The following CRYBA2 variants were observed in gnomAD, a reference collection of about 807,000 sequenced individuals.
CRYBA2 encodes the protein crystallin beta A2.
In CRYBA2, 17 loss-of-function variants were observed where a neutral mutation model predicts 18.5. The ratio of observed to expected loss-of-function variants is 0.92; its 90% CI spans 0.63 to 1.38. The LOEUF (loss-of-function observed/expected upper bound fraction) is 1.38. Ranked by LOEUF, CRYBA2 falls within the 40% of genes most tolerant of loss-of-function variation. The probability of loss-of-function intolerance (pLI) is 0.00; values close to 1 mark genes in which losing one functional copy is unlikely to be tolerated. For missense variants in CRYBA2, 271 were observed against 265.0 expected, an observed-to-expected ratio of 1.02 and a Z score of -0.16; for synonymous variants, 101 against 106.2, an observed-to-expected ratio of 0.95 and a Z score of 0.30.
At position 218,993,399 on chromosome 2, in the gene CRYBA2, G is replaced by A. The variant is rs576553962; in HGVS notation, c.-223C>T. The A allele has an allele frequency of 1.2e-3, 675 of 549,804 alleles. 5 individuals are homozygous for A. The African/African-American group carries it at 0.012, about 10-fold the overall frequency. 34.1% of individuals were successfully genotyped at this position (549,804 alleles called of 1,614,324 possible). On this transcript the variant is annotated 5_prime_UTR_variant, in exon 1 of 4. Coordinates refer to ENST00000295728, the MANE Select transcript of CRYBA2 (RefSeq NM_057093.2). This position sits in a 1 kb window ranked among gnomAD's most constrained non-coding sequence, Gnocchi z 7.7. ...CCGGGTGGGTGAGCGCGGCACGCGA[G>A]GGAAATGGACCGGCTGCGAGGCTGC...
chr2:218,991,944 G>A (rs1172627152), intron 2 of CRYBA2, 158 bp downstream of exon 2: 19 of 675,090 alleles, frequency 2.8e-5, no homozygotes, highest in Non-Finnish European at 3.4e-5. Context: ...AACTTTCTTG[G>A]AGACACCCTT....
Position 218,993,143 on chromosome 2 carries a change from C to A in CRYBA2, c.34G>T (p.Ala12Ser), listed in dbSNP as rs1427454667. 1 of 1,601,652 alleles carries A rather than the reference C, an allele frequency of 6.2e-7. No individual in the cohort carries two copies. Among genetic ancestry groups the A allele is most frequent in the Admixed American group, 1.7e-5 (1 of 59,258 alleles). The change falls in exon 1 of 4, where the codon GCC becomes TCC. Residue 12 changes from alanine (A) to serine (S), a missense_variant. Physicochemically the swap from Ala to Ser is moderately conservative, Grantham distance 99. Transcript: ENST00000295728. The surrounding 1 kb of genome is among the most constrained non-coding windows in gnomAD (Gnocchi z 7.7). ...TCCTCGTCCCAGAGCGTGAGGCTGG[C>A]GGGCGCCGGGCCCGGCGCGGGGGCG... Reference protein sequence around the residue: ...SSAPAPGPAPASLTLWDEEDF... With the variant: ...SSAPAPGPAPSSLTLWDEEDF...
At chr2:218,990,452 C>CCCA in intron 3 of CRYBA2, 53 bp from the exon 4 acceptor site, 1 of 1,592,334 alleles carries the variant, frequency 6.3e-7, no homozygotes, top group Non-Finnish European at 8.6e-7. Context: ...CCACCCCCAC[C>CCCA]CTATGTTCTC....
chr2:218,992,273 TG>T, intron 1 of CRYBA2, 30 bp from the exon 2 acceptor site: 1 of 1,606,188 alleles, frequency 6.2e-7, no homozygotes, highest in Non-Finnish European at 8.5e-7. Context: ...GGGAGGTATC[TG>T]CCCCAGCCGC....
intron 1 of CRYBA2, among the ~76,000 whole-genome samples, chr2:218,992,572 C>T (rs959541003): frequency 1.3e-5 from 2 of 152,154 alleles, no homozygotes; most frequent in Non-Finnish European, 2.9e-5. Flanking sequence ...AGGACCCCTC[C>T]CGAATATCAC....
At chr2:218,992,473 G>A (rs1393435629) in intron 1 of CRYBA2, among the ~76,000 whole-genome samples, 2 of 152,214 alleles carry the variant, frequency 1.3e-5, no homozygotes, top group Non-Finnish European at 2.9e-5. Context: ...AAGGACCCCA[G>A]GTTGGGAAAG....
In CRYBA2 at chr2:218,990,889, T is replaced by C; in HGVS notation, c.409A>G (p.Ser137Gly). 1.2e-6 allele frequency: 2 copies of C among 1,614,128 alleles called. No individual in the cohort carries two copies. Among genetic ancestry groups the C allele is most frequent in the South Asian group, 1.1e-5 (1 of 91,078 alleles). Residue 137 changes from serine to glycine, a missense_variant, in exon 3 of 4, where the codon AGC becomes GGC. By Grantham distance (56) the Ser-to-Gly change is moderately conservative. Transcript: ENST00000295728. ...YPSLPSMGWASKDVGSLKVSS... is the reference protein window; with the variant it reads ...YPSLPSMGWAGKDVGSLKVSS... ...ACTTTGAGGGAACCCACATCCTTGC[T>C]GGCCCAGCCCATGGAGGGCAGGGAT... is the stretch of plus-strand genomic sequence containing the variant.
intron 2 of CRYBA2, chr2:218,991,710 G>A (rs942523220): frequency 9.9e-6 from 2 of 202,174 alleles, no homozygotes; most frequent in African/African-American, 4.6e-5. Flanking sequence ...ACTCTTTTCA[G>A]TGACCCTGGG....
rs770764343 is a variant in CRYBA2, at chr2:218,993,186, G to A, written c.-10C>T. 6.3e-7 allele frequency: 1 copy of A among 1,588,672 alleles called. No individual in the cohort carries two copies. Among genetic ancestry groups the A allele is most frequent in the South Asian group, 1.1e-5 (1 of 88,790 alleles). On this transcript the variant is annotated 5_prime_UTR_variant, in exon 1 of 4. Transcript: ENST00000295728. The surrounding 1 kb of genome is among the most constrained non-coding windows in gnomAD (Gnocchi z 7.7). The stretch of plus-strand genomic sequence containing the variant: ...CGGGGGCGCTGCTCATGCCGCTGCG[G>A]ACAGGAAGGGTGGCACCACGCGCTC...
rs1420563668 is a variant in CRYBA2, at chr2:218,992,349, C to T, written c.162-106G>A. 3.3e-6 allele frequency: 4 copies of T among 1,228,544 alleles called. No individual in the cohort carries two copies. The East Asian group carries it at 1.0e-4, about 31-fold the overall frequency. 76.1% of individuals were successfully genotyped at this position (1,228,544 alleles called of 1,614,324 possible). On this transcript the variant is annotated intron_variant, in intron 1 of 3. Transcript: ENST00000295728. ...GACTGAGAAGCACAATGTTTTTCTCCAACCCCAAACCCTTCCCCTGACACC... is the reference window on the plus strand; with the variant it reads ...GACTGAGAAGCACAATGTTTTTCTCTAACCCCAAACCCTTCCCCTGACACC...
rs761296957 is a variant in CRYBA2 at position 218,990,412 on chromosome 2, G to A, written c.447-13C>T. The A allele has an allele frequency of 3.1e-6, 5 of 1,613,642 alleles. No homozygotes were observed. Among genetic ancestry groups the A allele is most frequent in the East Asian group, 4.5e-5 (2 of 44,882 alleles). On this transcript the variant is annotated splice_polypyrimidine_tract_variant and intron_variant, in intron 3 of 3. Coordinates refer to ENST00000295728, the MANE Select transcript of CRYBA2 (RefSeq NM_057093.2). ...GTAGGCCACCCACCTAGGCCAGTGA[G>A]GGTACAGAGGCAGGGAGTAAGCTCT...
At position 218,992,208 on chromosome 2, in the gene CRYBA2, T is replaced by A. The variant is rs1265352417; in HGVS notation, c.197A>T (p.Gln66Leu). 6.2e-7 allele frequency: 1 copy of A among 1,613,680 alleles called. No individual in the cohort carries two copies. The highest frequency in any genetic ancestry group is 1.1e-5 in the South Asian group (1 of 91,080). Residue 66 changes from glutamine (Q) to leucine (L), a missense_variant, in exon 2 of 4, where the codon CAG becomes CTG. Coordinates refer to ENST00000295728, the MANE Select transcript of CRYBA2 (RefSeq NM_057093.2). Reference protein sequence around the residue: ...VAFEYPDFQGQQFILEKGDYP... With the variant: ...VAFEYPDFQGLQFILEKGDYP... ...GTCTCCCTTCTCCAGAATGAACTGC[T>A]GTCCCTGGAAGTCGGGGTACTCAAA...
chr2:218,990,712 T>C (rs1945486005), intron 3 of CRYBA2, 140 bp downstream of exon 3: 3 of 1,080,900 alleles, frequency 2.8e-6, no homozygotes, highest in South Asian at 3.2e-5. Context: ...CCAGTCTGAC[T>C]CCATCATCTC....
In CRYBA2 at chr2:218,990,326, A is replaced by G; in HGVS notation, c.520T>C (p.Phe174Leu). 1 of 1,613,718 alleles carries G rather than the reference A, an allele frequency of 6.2e-7. No individual in the cohort carries two copies. Among genetic ancestry groups the G allele is most frequent in the Non-Finnish European group, 8.5e-7 (1 of 1,179,936 alleles). The part of the protein sequence containing the change: ...VLERDRHSGE[F>L]CTYGELGTQA... ...GTGCCGAGCTCACCGTAAGTACAGA[A>G]CTCTCCGCTGTGCCGGTCCCGCTCC... Residue 174 changes from phenylalanine to leucine, a missense_variant, in exon 4 of 4, where the codon TTC becomes CTC. Physicochemically the swap from Phe to Leu is conservative, Grantham distance 22. Coordinates refer to ENST00000295728, the MANE Select transcript of CRYBA2 (RefSeq NM_057093.2).
In CRYBA2 at chr2:218,990,253, T is replaced by C. The variant is rs893661334; in HGVS notation, c.593A>G (p.Ter198TrpextTer17). The change falls in exon 4 of 4, where the codon TAG becomes TGG. Residue 198 changes from the stop codon to tryptophan (W), a stop_lost. Coordinates refer to ENST00000295728, the MANE Select transcript of CRYBA2 (RefSeq NM_057093.2). ...GGAAGGTGTCTGGGGCCGTGGAGCC[T>C]AGTGCTGGACTCTCCGGATGGACTG... is the stretch of plus-strand genomic sequence containing the variant. Reference protein sequence around the residue: ...QLQSIRRVQH* With the variant: ...QLQSIRRVQHW 45 of 1,614,042 alleles carry C rather than the reference T, an allele frequency of 2.8e-5. No individual in the cohort carries two copies. The highest frequency in any genetic ancestry group is 3.6e-5 in the Non-Finnish European group (43 of 1,179,940).
Position 218,993,071 on chromosome 2 carries a change from C to T in CRYBA2, c.106G>A (p.Val36Ile). 1 of 1,611,828 alleles carries T rather than the reference C, an allele frequency of 6.2e-7. No homozygotes were observed. Among genetic ancestry groups the T allele is most frequent in the Non-Finnish European group, 8.5e-7 (1 of 1,179,262 alleles). Residue 36 changes from valine (V) to isoleucine (I), a missense_variant, in exon 1 of 4, where the codon GTC becomes ATC. Val to Ile is a conservative substitution (Grantham distance 29). Transcript: ENST00000295728. This position sits in a 1 kb window ranked among gnomAD's most constrained non-coding sequence, Gnocchi z 7.7. The stretch of plus-strand genomic sequence containing the variant: ...CTGGGCAGGCCTCCGCGCTCGCAGA[C>T]GTTCGCACAGTCGCTTAGCAGCCGA... ...RCRLLSDCAN[V>I]CERGGLPRVR... is the part of the protein sequence containing the mutation.
Position 218,992,129 on chromosome 2 carries a change from C to T in CRYBA2, c.276G>A (p.Leu92=), listed in dbSNP as rs543822939. Residue 92 remains leucine (L), a synonymous_variant, in exon 2 of 4, where the codon CTG becomes CTA. Coordinates refer to ENST00000295728, the MANE Select transcript of CRYBA2 (RefSeq NM_057093.2). ...SGSSSHNSNQ[L]LSFRPVLCAN... The stretch of plus-strand genomic sequence containing the variant: ...CGCAGAGCACTGGCCGGAAGGACAG[C>T]AGCTGGTTGCTGTTGTGGCTGCTGC... The T allele has an allele frequency of 6.2e-7, 1 of 1,613,340 alleles. No homozygotes were observed.
At chr2:218,991,877 G>A in intron 2 of CRYBA2, 1 of 539,942 alleles carries the variant, frequency 1.9e-6, no homozygotes, top group Non-Finnish European at 3.3e-6. Flanking sequence ...GACTGGGATG[G>A]CCTCAGCGCT....
intron 1 of CRYBA2, 31 bp from the exon 2 acceptor site, chr2:218,992,274 G>T (rs768647733): frequency 8.7e-6 from 14 of 1,604,848 alleles, no homozygotes; most frequent in Non-Finnish European, 1.1e-5. Flanking sequence ...GGAGGTATCT[G>T]CCCCAGCCGC....
Sources: allele counts gnomAD v4.1 joint callset (sites outside exome capture counted in the v4.1 genomes callset), GRCh38; gene constraint gnomAD v4.1.1; non-coding constraint Gnocchi (gnomAD v3.1); transcripts MANE v1.5; gene names NCBI Gene and HGNC (gene_info 2026-07-23, HGNC 2026-07-21).